Variants in HYCC2 observed in about 807,000 individuals in gnomAD.
The protein encoded by HYCC2 is hyccin PI4KA lipid kinase complex subunit 2.
chr2:201,030,167 A>C, the HYCC2 span, among the ~76,000 whole-genome samples: 1 of 152,168 alleles, frequency 6.6e-6, no homozygotes, highest in Non-Finnish European at 1.5e-5. Flanking sequence ...CAAAATTGGA[A>C]CTTTAAACAA....
At chr2:200,982,851 A>G in the HYCC2 span, among the ~76,000 whole-genome samples, 1 of 152,104 alleles carries the variant, frequency 6.6e-6, no homozygotes, top group African/African-American at 2.4e-5. Context: ...TCTGCCTCCC[A>G]GGTTCAAGTA....
the HYCC2 span, among the ~76,000 whole-genome samples, chr2:201,046,537 C>G: frequency 3.4e-4 from 52 of 152,230 alleles, no homozygotes; most frequent in African/African-American, 1.2e-3. Context: ...GGGAAAGACT[C>G]TCTTTTTGTA....
chr2:201,043,920 A>C, the HYCC2 span, among the ~76,000 whole-genome samples: 1 of 152,126 alleles, frequency 6.6e-6, no homozygotes, highest in African/African-American at 2.4e-5. Context: ...GGGTCTCGCT[A>C]TCTTGCCCCA....
chr2:201,017,213 G>A, the HYCC2 span: 1 of 1,455,776 alleles, frequency 6.9e-7, no homozygotes. Flanking sequence ...AATTCTTTTG[G>A]TTGTAACTGT....
the HYCC2 span, among the ~76,000 whole-genome samples, chr2:201,016,098 T>C: frequency 1.3e-5 from 2 of 152,202 alleles, no homozygotes; most frequent in South Asian, 2.1e-4. Flanking sequence ...CTCAATGGCA[T>C]ACATCCAAAA....
the HYCC2 span, among the ~76,000 whole-genome samples, chr2:201,031,418 G>A: frequency 6.6e-6 from 1 of 152,122 alleles, no homozygotes; most frequent in East Asian, 1.9e-4. Flanking sequence ...TTGGGAGGCC[G>A]AGTCAGGTGG....
At chr2:201,023,053 A>C in the HYCC2 span, 1 of 646,470 alleles carries the variant, frequency 1.5e-6, no homozygotes, top group Non-Finnish European at 2.6e-6. Context: ...AAAAATAATT[A>C]ATATAAAGAA....
At chr2:201,047,528 A>G in the HYCC2 span, among the ~76,000 whole-genome samples, 2 of 151,488 alleles carry the variant, frequency 1.3e-5, no homozygotes, top group Admixed American at 6.6e-5. Context: ...GCAATATTCT[A>G]AGAAAGAATA....
the HYCC2 span, chr2:201,008,937 A>G: frequency 3.3e-6 from 4 of 1,229,712 alleles, no homozygotes; most frequent in African/African-American, 4.5e-5. Context: ...GCATACATAC[A>G]TACAAGTTGT....
the HYCC2 span, chr2:200,981,626 T>C: frequency 3.7e-6 from 6 of 1,613,948 alleles, no homozygotes; most frequent in Admixed American, 5.0e-5. The surrounding 1 kb of genome is among the most constrained non-coding windows in gnomAD (Gnocchi z 4.5). Flanking sequence ...CTAAGATCAG[T>C]TGGTTGCTGT....
chr2:201,048,506 A>T, the HYCC2 span, among the ~76,000 whole-genome samples: 1 of 141,790 alleles, frequency 7.1e-6, no homozygotes, highest in Admixed American at 7.0e-5. Context: ...TTTTTTTGCA[A>T]TTTTTTTTTT....
chr2:201,027,785 C>T, the HYCC2 span, among the ~76,000 whole-genome samples: 1 of 152,164 alleles, frequency 6.6e-6, no homozygotes, highest in Non-Finnish European at 1.5e-5. Flanking sequence ...TAAAAACTCT[C>T]AATAAACTAG....
chr2:201,020,337 G>A, the HYCC2 span, among the ~76,000 whole-genome samples: 1 of 152,166 alleles, frequency 6.6e-6, no homozygotes, highest in African/African-American at 2.4e-5. Context: ...TGAACACACT[G>A]AGAGTATTTG....
chr2:201,004,289 CAGG>C, the HYCC2 span, among the ~76,000 whole-genome samples: 2 of 152,216 alleles, frequency 1.3e-5, no homozygotes, highest in Non-Finnish European at 2.9e-5. Context: ...CAATGCACAT[CAGG>C]AGAACTCCCT....
the HYCC2 span, chr2:200,992,394 T>C: frequency 7.1e-7 from 1 of 1,406,754 alleles, no homozygotes; most frequent in East Asian, 2.3e-5. Context: ...TCATTTATAC[T>C]CTTGAGCAAA....
the HYCC2 span, among the ~76,000 whole-genome samples, chr2:201,021,061 C>T: frequency 2.0e-4 from 31 of 152,220 alleles, 1 homozygote; most frequent in African/African-American, 6.0e-4. Context: ...GACACTGCGC[C>T]GGCAACTATT....
At chr2:200,982,680 T>C in the HYCC2 span, among the ~76,000 whole-genome samples, 1 of 152,354 alleles carries the variant, frequency 6.6e-6, no homozygotes, top group East Asian at 1.9e-4. Flanking sequence ...AGTATTGAGA[T>C]GTATTGTCAT....
At chr2:201,015,248 C>G in the HYCC2 span, among the ~76,000 whole-genome samples, 1 of 152,190 alleles carries the variant, frequency 6.6e-6, no homozygotes, top group Non-Finnish European at 1.5e-5. Flanking sequence ...TGTTCCTAAA[C>G]TCTCTCACCT....
At chr2:200,975,459 ATTTC>A in the HYCC2 span, 11 of 151,960 alleles carry the variant, frequency 7.2e-5, no homozygotes, top group Admixed American at 7.2e-4. Flanking sequence ...AAATAAAAGG[ATTTC>A]TTTATTAGCC....
Sources: gnomAD v4.1 joint callset for allele counts (sites outside exome capture counted in the v4.1 genomes callset) on GRCh38, gnomAD v4.1.1 for gene constraint, Gnocchi (gnomAD v3.1) non-coding constraint, MANE v1.5 for transcripts, NCBI Gene and HGNC (gene_info 2026-07-23, HGNC 2026-07-21) for gene names.